TRPM6: variants seen among roughly 807,000 people sequenced by gnomAD.
TRPM6 encodes the protein transient receptor potential cation channel subfamily M member 6, also known as channel kinase 2.
TRPM6 carries 111 observed loss-of-function variants against 247.6 expected under a neutral mutation model. The ratio of observed to expected loss-of-function variants is 0.45; its 90% CI spans 0.38 to 0.52. The LOEUF (loss-of-function observed/expected upper bound fraction) is 0.52. TRPM6 is among the 20% of genes least tolerant of loss of function. TRPM6 has a pLI of 0.00. For synonymous variants in TRPM6, 892 were observed against 853.8 expected (o/e 1.04, Z -0.78); for missense variants, 2,126 against 2,421.5 (o/e 0.88, Z 2.56).
chr9:74,775,963 A>G lies in TRPM6; in HGVS notation c.3323T>C (p.Leu1108Pro), dbSNP rs767013276. The change falls in exon 24 of 39, where the codon CTG (leucine) becomes CCG (proline). Residue 1108 changes from leucine (L) to proline (P), a missense_variant. Leu to Pro is a moderately conservative substitution (Grantham distance 98). Coordinates refer to ENST00000360774, the MANE Select transcript of TRPM6 (RefSeq NM_017662.5). The part of the protein sequence containing the change: ...KPWLPPPLIL[L>P]SHVGLLLRRL... ...GCGGAGGAGAAGGCCCACGTGGCTC[A>G]GCAGGATGAGAGGTGGGGGCAGCCA... 1 of 1,614,178 alleles carries G rather than the reference A, an allele frequency of 6.2e-7. No homozygotes were observed. The highest frequency in any genetic ancestry group is 1.3e-5 in the African/African-American group (1 of 75,058).
At chr9:74,816,614 C>T in intron 11 of TRPM6, 55 bp downstream of exon 11, 1 of 1,450,596 alleles carries the variant, frequency 6.9e-7, no homozygotes. Context: ...TTTGCCCCTT[C>T]CTAACAGACC....
intron 23 of TRPM6, among the ~76,000 whole-genome samples, chr9:74,777,282 TG>T (rs1306906841): frequency 6.6e-6 from 1 of 152,150 alleles, no homozygotes; most frequent in African/African-American, 2.4e-5. Flanking sequence ...ATTTAAATTT[TG>T]GGGGTTGGTT....
chr9:74,784,082 C>T (rs957565032), intron 21 of TRPM6, among the ~76,000 whole-genome samples: 1 of 151,960 alleles, frequency 6.6e-6, no homozygotes, highest in South Asian at 2.1e-4. Context: ...ATGGTGAAAC[C>T]CCGTCTCTAC....
rs1295456064 is a variant in TRPM6, at chr9:74,723,473, T to C, written c.*1140A>G. Reference sequence around the variant, plus strand: ...AGGAAGGGAAACCCTTTCTTAATGATTTCCAGTTCTTCATATTCTTGTTCT... The same window carrying C: ...AGGAAGGGAAACCCTTTCTTAATGACTTCCAGTTCTTCATATTCTTGTTCT... On this transcript the variant is annotated 3_prime_UTR_variant, in exon 39 of 39. Transcript: ENST00000360774. 4 of 150,922 alleles carry C rather than the reference T, an allele frequency of 2.7e-5. No homozygotes were observed. Among genetic ancestry groups the C allele is most frequent in the Non-Finnish European group, 4.4e-5 (3 of 67,870 alleles). 9.3% of individuals were successfully genotyped at this position (150,922 alleles called of 1,614,324 possible).
chr9:74,820,211 A>C (rs1829090017), intron 9 of TRPM6, 93 bp downstream of exon 9: 1 of 1,429,532 alleles, frequency 7.0e-7, no homozygotes. Context: ...TCCTGTGTCC[A>C]CCATGTTTTT....
At chr9:74,777,432 G>A (rs1021926277) in intron 23 of TRPM6, among the ~76,000 whole-genome samples, 7 of 152,150 alleles carry the variant, frequency 4.6e-5, no homozygotes, top group African/African-American at 1.7e-4. Flanking sequence ...TGTCCTATGC[G>A]AGGATTTCTC....
intron 9 of TRPM6, among the ~76,000 whole-genome samples, chr9:74,819,986 T>C (rs1829082755): frequency 6.6e-6 from 1 of 152,150 alleles, no homozygotes; most frequent in African/African-American, 2.4e-5. Context: ...TTTTTATTTT[T>C]TATTATTTTA....
chr9:74,831,787 A>C (rs1423554489), intron 6 of TRPM6, among the ~76,000 whole-genome samples: 5 of 152,184 alleles, frequency 3.3e-5, no homozygotes, highest in African/African-American at 1.2e-4. Context: ...ACCTTTCATT[A>C]TTTTGAAAAC....
intron 25 of TRPM6, among the ~76,000 whole-genome samples, chr9:74,770,136 T>C (rs1332005607): frequency 6.6e-6 from 1 of 152,212 alleles, no homozygotes; most frequent in Non-Finnish European, 1.5e-5. Context: ...CACAGATTTA[T>C]ATAAATATGG....
At chr9:74,806,604 C>A (rs1298071455) in intron 14 of TRPM6, among the ~76,000 whole-genome samples, 1 of 152,180 alleles carries the variant, frequency 6.6e-6, no homozygotes, top group Non-Finnish European at 1.5e-5. Context: ...CTAACGATGA[C>A]TCTGCACCCT....
chr9:74,887,560 C>T (rs576044883), intron 1 of TRPM6: 2 of 1,454,766 alleles, frequency 1.4e-6, no homozygotes, highest in South Asian at 2.4e-5. Context: ...TCTGACACCA[C>T]CTCCGCTATG....
chr9:74,843,901 G>T (rs546978321), intron 3 of TRPM6, among the ~76,000 whole-genome samples: 1 of 152,166 alleles, frequency 6.6e-6, no homozygotes, highest in East Asian at 1.9e-4. Context: ...GTGTTAGCAG[G>T]CATGAAAACA....
intron 17 of TRPM6, among the ~76,000 whole-genome samples, chr9:74,797,559 T>A (rs2118990356): frequency 6.6e-6 from 1 of 152,276 alleles, no homozygotes; most frequent in African/African-American, 2.4e-5. Context: ...TTTGGGGGTG[T>A]TTTTCCAAAT....
chr9:74,853,099 C>G (rs974797076), intron 3 of TRPM6, among the ~76,000 whole-genome samples: 1 of 149,674 alleles, frequency 6.7e-6, no homozygotes, highest in South Asian at 2.1e-4. Context: ...TCTGCCCGGC[C>G]GCGACCCCGT....
At chr9:74,816,358 G>C (rs578024564) in intron 11 of TRPM6, among the ~76,000 whole-genome samples, 10 of 148,718 alleles carry the variant, frequency 6.7e-5, no homozygotes, top group African/African-American at 2.5e-4. Flanking sequence ...AACAGAGTGA[G>C]AACTTGTGTC....
At chr9:74,850,615 G>T (rs140066199) in intron 3 of TRPM6, among the ~76,000 whole-genome samples, 80 of 152,128 alleles carry the variant, frequency 5.3e-4, no homozygotes, top group African/African-American at 1.9e-3. Context: ...AGCTTCTCGG[G>T]AGGCTGAGGA....
chr9:74,857,016 T>C (rs554241728), intron 2 of TRPM6, among the ~76,000 whole-genome samples: 1 of 152,328 alleles, frequency 6.6e-6, no homozygotes, highest in East Asian at 1.9e-4. Context: ...AAAGACTCAG[T>C]AATTTCATCA....
intron 14 of TRPM6, chr9:74,804,803 T>C: frequency 1.6e-6 from 1 of 628,424 alleles, no homozygotes; most frequent in South Asian, 1.8e-5. Context: ...GTAAGCAACA[T>C]GGAAATAAGC....
At chr9:74,743,048 G>A (rs1275017664) in intron 32 of TRPM6, among the ~76,000 whole-genome samples, 3 of 152,208 alleles carry the variant, frequency 2.0e-5, no homozygotes, top group Admixed American at 6.5e-5. Context: ...TTTCCAGAGA[G>A]AGCCGAAGAC....
Sources: gnomAD v4.1 joint callset for allele counts (sites outside exome capture counted in the v4.1 genomes callset) on GRCh38, gnomAD v4.1.1 for gene constraint, MANE v1.5 for transcripts, NCBI Gene and HGNC (gene_info 2026-07-23, HGNC 2026-07-21) for gene names.